Variants in AK8 observed in about 807,000 individuals in gnomAD.
AK8 encodes the protein ATP-AMP transphosphorylase 8.
AK8 carries 44 observed loss-of-function variants against 54.6 expected under a neutral mutation model. The observed-to-expected ratio is 0.81, with a 90% CI of 0.63 to 1.04. The LOEUF (loss-of-function observed/expected upper bound fraction) is 1.04, where lower values mean the gene tolerates loss of function less well. AK8 is among the 50% of genes least tolerant of loss of function. The pLI, the probability that AK8 is intolerant of heterozygous loss-of-function variation, is 0.00. For missense variants in AK8, 555 were observed against 613.6 expected, an observed-to-expected ratio of 0.90 and a Z score of 1.01; for synonymous variants, 239 against 245.6, an observed-to-expected ratio of 0.97 and a Z score of 0.25.
At chr9:132,818,327 C>T (rs1264747494) in intron 9 of AK8, among the ~76,000 whole-genome samples, 1 of 152,144 alleles carries the variant, frequency 6.6e-6, no homozygotes, top group East Asian at 1.9e-4. Flanking sequence ...CCCCTTATAT[C>T]TTCACTTCTT....
intron 10 of AK8, among the ~76,000 whole-genome samples, chr9:132,802,808 G>A (rs974373707): frequency 3.3e-5 from 5 of 152,292 alleles, no homozygotes; most frequent in African/African-American, 1.2e-4. Context: ...GAGCAGAGTC[G>A]AGACCTCCTT....
chr9:132,770,167 G>T lies in AK8; in HGVS notation c.1121+22467C>A, dbSNP rs1168143090. The T allele has an allele frequency of 1.3e-5, 2 of 152,276 alleles. No individual in the cohort carries two copies. Among genetic ancestry groups the T allele is most frequent in the Non-Finnish European group, 2.9e-5 (2 of 68,106 alleles). 9.4% of individuals were successfully genotyped at this position (152,276 alleles called of 1,614,324 possible). The stretch of plus-strand genomic sequence containing the variant: ...GCTAGGGAGGGAAACGGAACCAGGG[G>T]AAGGCCTGGGGGGGTCACACTCGTG... On this transcript the variant is annotated intron_variant, in intron 11 of 12. Transcript: ENST00000298545. The surrounding 1 kb of genome is among the most constrained non-coding windows in gnomAD (Gnocchi z 4.3).
At chr9:132,846,704 G>C (rs1588206592) in intron 5 of AK8, among the ~76,000 whole-genome samples, 1 of 152,164 alleles carries the variant, frequency 6.6e-6, no homozygotes, top group Non-Finnish European at 1.5e-5. Context: ...GAGTAGATAG[G>C]CTTTGCCCAG....
chr9:132,746,203 G>A (rs1590186954), intron 11 of AK8, among the ~76,000 whole-genome samples: 1 of 152,054 alleles, frequency 6.6e-6, no homozygotes, highest in African/African-American at 2.4e-5. Flanking sequence ...GCATTCACCT[G>A]AGCCAAGCAC....
At chr9:132,827,934 T>A (rs940360097) in intron 7 of AK8, 79 bp downstream of exon 7, 6 of 1,431,598 alleles carry the variant, frequency 4.2e-6, no homozygotes, top group Non-Finnish European at 5.7e-6. Context: ...GAATGCGAGG[T>A]CAGGAAATGG....
intron 10 of AK8, among the ~76,000 whole-genome samples, chr9:132,794,997 G>T (rs1191742982): frequency 2.0e-5 from 3 of 152,216 alleles, no homozygotes; most frequent in Non-Finnish European, 4.4e-5. Flanking sequence ...TTCAGGAGAT[G>T]TGTGTGGGGA....
At chr9:132,815,429 T>C (rs1314665288) in intron 9 of AK8, among the ~76,000 whole-genome samples, 1 of 152,130 alleles carries the variant, frequency 6.6e-6, no homozygotes, top group East Asian at 1.9e-4. Flanking sequence ...GGCATATACC[T>C]GTAATCCCAG....
intron 11 of AK8, among the ~76,000 whole-genome samples, chr9:132,741,065 C>T (rs1333216570): frequency 1.3e-5 from 2 of 152,156 alleles, no homozygotes; most frequent in Non-Finnish European, 2.9e-5. Flanking sequence ...GCCTTTTCCC[C>T]CCATTTCCTG....
intron 10 of AK8, among the ~76,000 whole-genome samples, chr9:132,801,466 G>T (rs1005841321): frequency 6.6e-6 from 1 of 152,222 alleles, no homozygotes; most frequent in Non-Finnish European, 1.5e-5. Flanking sequence ...CAGTCTGCAT[G>T]TGAACTGGAT....
In AK8 at chr9:132,863,664, C is replaced by T. The variant is rs901799588; in HGVS notation, c.333+1G>A. Reference sequence around the variant, plus strand: ...ACCCCTGTCCCCGGGGCCAGTCCTACCTTCCTTTGCAGATAAAGCCTTCTG... The same window carrying T: ...ACCCCTGTCCCCGGGGCCAGTCCTATCTTCCTTTGCAGATAAAGCCTTCTG... On this transcript the variant is annotated splice_donor_variant, in intron 4 of 12. Transcript: ENST00000298545. LOFTEE classifies it high-confidence loss of function. 3.1e-6 allele frequency: 5 copies of T among 1,610,468 alleles called. No homozygotes were observed. Among genetic ancestry groups the T allele is most frequent in the Non-Finnish European group, 4.2e-6 (5 of 1,177,470 alleles).
At chr9:132,843,720 T>TAAA (rs1047168026) in intron 5 of AK8, among the ~76,000 whole-genome samples, 1 of 152,184 alleles carries the variant, frequency 6.6e-6, no homozygotes, top group African/African-American at 2.4e-5. Context: ...TCTCTATGTT[T>TAAA]AAAGTCATCC....
rs1841873576 is a variant in AK8, at chr9:132,826,454, G to A, written c.757+400C>T. ...GTGTGTGTGTGTTTTATTGTGTTGT[G>A]TGTGGTGGTGGTGGTTTTGTTTTTG... On this transcript the variant is annotated intron_variant, in intron 8 of 12. Transcript: ENST00000298545. The surrounding 1 kb of genome is among the most constrained non-coding windows in gnomAD (Gnocchi z 4.5). Among the ~76,000 whole-genome samples the A allele has an allele frequency of 6.6e-6, 1 of 152,186 alleles. No individual in the cohort carries two copies. Among genetic ancestry groups the A allele is most frequent in the South Asian group, 2.1e-4 (1 of 4,832 alleles).
At chr9:132,753,511 A>G (rs1838047314) in intron 11 of AK8, among the ~76,000 whole-genome samples, 1 of 152,234 alleles carries the variant, frequency 6.6e-6, no homozygotes, top group Non-Finnish European at 1.5e-5. Context: ...GCTGGGGCAG[A>G]GAGAGCTCAT....
At chr9:132,823,441 T>G (rs1841739921) in intron 8 of AK8, 105 bp from the exon 9 acceptor site, 1 of 1,471,320 alleles carries the variant, frequency 6.8e-7, no homozygotes, top group Admixed American at 1.7e-5. Flanking sequence ...ACTCTTTTTC[T>G]CTTTCACAGC....
chr9:132,752,845 C>A (rs1838007108), intron 11 of AK8, among the ~76,000 whole-genome samples: 1 of 152,108 alleles, frequency 6.6e-6, no homozygotes, highest in African/African-American at 2.4e-5. Context: ...GCATCCAAAC[C>A]AGTCAGCTTG....
At chr9:132,736,781 T>C (rs1325868698) in intron 11 of AK8, among the ~76,000 whole-genome samples, 5 of 105,962 alleles carry the variant, frequency 4.7e-5, no homozygotes, top group East Asian at 3.1e-4. Context: ...TGAGAATCCA[T>C]CTCAAAAAAA....
At chr9:132,830,599 T>A (rs1842068644) in intron 5 of AK8, among the ~76,000 whole-genome samples, 1 of 152,230 alleles carries the variant, frequency 6.6e-6, no homozygotes, top group South Asian at 2.1e-4. Flanking sequence ...CTATCTACTT[T>A]CCCCTTGGGG....
chr9:132,835,374 A>T (rs1588190532), intron 5 of AK8, among the ~76,000 whole-genome samples: 1 of 152,190 alleles, frequency 6.6e-6, no homozygotes, highest in Admixed American at 6.5e-5. Flanking sequence ...GGAGGTTCAC[A>T]TTTAGTTCTC....
Position 132,837,537 on chromosome 9 carries a change from T to G in AK8, c.403-8811A>C, listed in dbSNP as rs1003456445. 6.6e-6 allele frequency among the ~76,000 whole-genome samples: 1 copy of G among 152,128 alleles called. No homozygotes were observed. Among genetic ancestry groups the G allele is most frequent in the South Asian group, 2.1e-4 (1 of 4,826 alleles). ...CAATACTCTCTCCTGCTCCAAGGTC[T>G]GCTTGCGTCTGCTCAAACCTCAGGC... On this transcript the variant is annotated intron_variant, in intron 5 of 12. Coordinates refer to ENST00000298545, the MANE Select transcript of AK8 (RefSeq NM_152572.3). This position sits in a 1 kb window ranked among gnomAD's most constrained non-coding sequence, Gnocchi z 4.3.
Sources: gnomAD v4.1 joint callset for allele counts (sites outside exome capture counted in the v4.1 genomes callset) on GRCh38, gnomAD v4.1.1 for gene constraint, Gnocchi (gnomAD v3.1) non-coding constraint, MANE v1.5 for transcripts, NCBI Gene and HGNC (gene_info 2026-07-23, HGNC 2026-07-21) for gene names.